DOLPP1: variants seen among roughly 807,000 people sequenced by gnomAD.
The protein encoded by DOLPP1 is dolichyl pyrophosphate phosphatase 1.
A neutral mutation model predicts 34.1 loss-of-function variants in DOLPP1; 15 were observed. The observed-to-expected ratio is 0.44, with a 90% CI of 0.29 to 0.68. The LOEUF (loss-of-function observed/expected upper bound fraction) is 0.68, where lower values mean the gene tolerates loss of function less well. Ranked by LOEUF, DOLPP1 falls within the 30% of genes least tolerant of loss-of-function variation. DOLPP1 has a pLI of 0.12. For synonymous variants in DOLPP1, 130 were observed against 128.2 expected (o/e 1.01, Z -0.10); for missense variants, 249 against 307.1 (o/e 0.81, Z 1.41).
chr9:129,082,933 T>G (rs542420913), intron 1 of DOLPP1, among the ~76,000 whole-genome samples: 12 of 152,334 alleles, frequency 7.9e-5, no homozygotes, highest in African/African-American at 2.4e-4. Flanking sequence ...AGCTCTGCAC[T>G]AGCAGGGACA....
At position 129,084,767 on chromosome 9, in the gene DOLPP1, C is replaced by T. The variant is rs867549099; in HGVS notation, c.176C>T (p.Thr59Met). Residue 59 changes from threonine to methionine, a missense_variant and splice_region_variant, in exon 2 of 8, where the codon ACG becomes ATG. Physicochemically the swap from Thr to Met is moderately conservative, Grantham distance 81 (BLOSUM62 -1). Coordinates refer to ENST00000372546, the MANE Select transcript of DOLPP1 (RefSeq NM_020438.5). ...ATCATATTTAAGCGGGAGCTGCACA[C>T]GGTGAGTCTGTCTTGCCCACACCCT... is the stretch of plus-strand genomic sequence containing the variant. Reference protein sequence around the residue: ...TLIIFKRELHTISFLGGLALN... With the variant: ...TLIIFKRELHMISFLGGLALN... The T allele has an allele frequency of 5.6e-6, 9 of 1,607,912 alleles. No homozygotes were observed. Among genetic ancestry groups the T allele is most frequent in the African/African-American group, 1.3e-5 (1 of 74,906 alleles).
chr9:129,082,677 C>G (rs1362724794), intron 1 of DOLPP1, among the ~76,000 whole-genome samples: 1 of 152,168 alleles, frequency 6.6e-6, no homozygotes. Context: ...CTGGTGAGGT[C>G]TAGTCCCCTA....
At chr9:129,081,554 G>A (rs1326050109) in intron 1 of DOLPP1, among the ~76,000 whole-genome samples, 1 of 152,218 alleles carries the variant, frequency 6.6e-6, no homozygotes, top group Non-Finnish European at 1.5e-5. Context: ...GCCCTCCCCT[G>A]TCCCAGAGAG....
chr9:129,085,797 C>G lies in DOLPP1; in HGVS notation c.461+181C>G, dbSNP rs140252115. Reference sequence around the variant, plus strand: ...TCCAGCTGCCTCTTCTAGCCCAGTCCGCACTGAGCCCAAGATTCTGGGACC... The same window carrying G: ...TCCAGCTGCCTCTTCTAGCCCAGTCGGCACTGAGCCCAAGATTCTGGGACC... On this transcript the variant is annotated intron_variant, in intron 5 of 7. Coordinates refer to ENST00000372546, the MANE Select transcript of DOLPP1 (RefSeq NM_020438.5). The surrounding 1 kb of genome is among the most constrained non-coding windows in gnomAD (Gnocchi z 7.0). 6.6e-6 allele frequency among the ~76,000 whole-genome samples: 1 copy of G among 152,216 alleles called. No homozygotes were observed. The highest frequency in any genetic ancestry group is 1.5e-5 in the Non-Finnish European group (1 of 68,038).
In DOLPP1 at chr9:129,086,080, G is replaced by T; in HGVS notation, c.462-59G>T. ...GGGAAGCTGGCACATGGGCAGTGGG[G>T]ATTGTGCGGGCCTGTGTCTGACTGG... On this transcript the variant is annotated intron_variant, in intron 5 of 7. Transcript: ENST00000372546. 5.1e-6 allele frequency: 8 copies of T among 1,564,692 alleles called. No individual in the cohort carries two copies. The South Asian group carries it at 7.9e-5, about 16-fold the overall frequency.
chr9:129,084,629 T>G (rs1293162864), intron 1 of DOLPP1, 39 bp from the exon 2 acceptor site: 3 of 1,412,502 alleles, frequency 2.1e-6, no homozygotes, highest in Non-Finnish European at 3.0e-6. Flanking sequence ...TTCTGATGCC[T>G]GTGCCCTGTC....
In DOLPP1 at chr9:129,081,236, C is replaced by A. The variant is rs747161698; in HGVS notation, c.76+29C>A. The stretch of plus-strand genomic sequence containing the variant: ...AAAGGCGGTCCCGGCTCCAAGGACG[C>A]CTTCCCAGGGACGGCCTCTCAGTCC... On this transcript the variant is annotated intron_variant, in intron 1 of 7. Coordinates refer to ENST00000372546, the MANE Select transcript of DOLPP1 (RefSeq NM_020438.5). The A allele has an allele frequency of 2.5e-6, 4 of 1,604,868 alleles. No homozygotes were observed. In the South Asian group the frequency reaches 4.4e-5, roughly 18 times the overall value.
intron 1 of DOLPP1, among the ~76,000 whole-genome samples, chr9:129,083,567 A>ATCTGGGC (rs2131414554): frequency 6.6e-6 from 1 of 152,232 alleles, no homozygotes; most frequent in East Asian, 1.9e-4. Context: ...CAGCCCTGGA[A>ATCTGGGC]TCTGGGCTCA....
chr9:129,086,793 A>C lies in DOLPP1; in HGVS notation c.675A>C (p.Glu225Asp). The part of the protein sequence containing the change: ...LWFEYTVTRA[E>D]ARNRQRKLGT... ...TTGAGTACACGGTAACCCGGGCAGA[A>C]GCCAGGTGAGTTCAGGGGACAGCAG... The change falls in exon 7 of 8, where the codon GAA (glutamate) becomes GAC (aspartate). Residue 225 changes from glutamate to aspartate, a missense_variant. Transcript: ENST00000372546. 6.2e-7 allele frequency: 1 copy of C among 1,613,446 alleles called. No individual in the cohort carries two copies. The highest frequency in any genetic ancestry group is 8.5e-7 in the Non-Finnish European group (1 of 1,179,942).
At chr9:129,086,103 T>A (rs7859344) in intron 5 of DOLPP1, 36 bp from the exon 6 acceptor site, 1,101,547 of 1,602,556 alleles carry the variant, frequency 0.69, 385,720 homozygotes, top group Non-Finnish European at 0.71. Context: ...TGTGTCTGAC[T>A]GGCTCTCACA....
At chr9:129,082,264 C>T (rs1011432162) in intron 1 of DOLPP1, among the ~76,000 whole-genome samples, 4 of 152,162 alleles carry the variant, frequency 2.6e-5, no homozygotes, top group Admixed American at 6.5e-5. Flanking sequence ...AGAACGTTGA[C>T]GCTGGTGTTC....
intron 1 of DOLPP1, among the ~76,000 whole-genome samples, chr9:129,082,952 T>C (rs1367339748): frequency 6.6e-6 from 1 of 151,556 alleles, no homozygotes; most frequent in African/African-American, 2.4e-5. Context: ...CATATGTGTC[T>C]TTTTTTTTGC....
chr9:129,082,445 C>T (rs1219819003), intron 1 of DOLPP1, among the ~76,000 whole-genome samples: 2 of 152,188 alleles, frequency 1.3e-5, no homozygotes, highest in African/African-American at 2.4e-5. Context: ...CTGAAATATC[C>T]CTGCATTCCT....
intron 1 of DOLPP1, among the ~76,000 whole-genome samples, chr9:129,082,018 A>C (rs977421451): frequency 6.6e-6 from 1 of 152,220 alleles, no homozygotes; most frequent in African/African-American, 2.4e-5. Context: ...AGCATCAAAT[A>C]GCAGGAGGCA....
intron 1 of DOLPP1, among the ~76,000 whole-genome samples, chr9:129,082,005 A>G (rs1416738151): frequency 2.0e-5 from 3 of 152,230 alleles, no homozygotes; most frequent in Non-Finnish European, 4.4e-5. Flanking sequence ...TGGTGATGGT[A>G]TGAGCATCAA....
At chr9:129,081,701 C>T (rs1846892792) in intron 1 of DOLPP1, among the ~76,000 whole-genome samples, 1 of 152,218 alleles carries the variant, frequency 6.6e-6, no homozygotes, top group South Asian at 2.1e-4. Flanking sequence ...TGTGGTGCCA[C>T]GCCCTGAGCA....
Position 129,085,617 on chromosome 9 carries a change from G to A in DOLPP1, c.461+1G>A. 6.2e-7 allele frequency: 1 copy of A among 1,609,644 alleles called. No individual in the cohort carries two copies. Reference sequence around the variant, plus strand: ...TGGCCTTCCTAGTCTCCTACAGCAGGTATGGAGGAGGGAGAGCCCCTGCCT... The same window carrying A: ...TGGCCTTCCTAGTCTCCTACAGCAGATATGGAGGAGGGAGAGCCCCTGCCT... On this transcript the variant is annotated splice_donor_variant, in intron 5 of 7. Coordinates refer to ENST00000372546, the MANE Select transcript of DOLPP1 (RefSeq NM_020438.5). LOFTEE classifies it high-confidence loss of function. This position sits in a 1 kb window ranked among gnomAD's most constrained non-coding sequence, Gnocchi z 7.0.
rs750798878 is a variant in DOLPP1, at chr9:129,089,853, C to T, written c.*846C>T. The stretch of plus-strand genomic sequence containing the variant: ...CCACGTGAACAAAATGGGAAGGAGC[C>T]GTGAGGAGAGGAGTGAGGCAACAGG... On this transcript the variant is annotated 3_prime_UTR_variant, in exon 8 of 8. Coordinates refer to ENST00000372546, the MANE Select transcript of DOLPP1 (RefSeq NM_020438.5). This position sits in a 1 kb window ranked among gnomAD's most constrained non-coding sequence, Gnocchi z 4.9. 6.6e-6 allele frequency: 1 copy of T among 152,552 alleles called. No individual in the cohort carries two copies. Among genetic ancestry groups the T allele is most frequent in the African/African-American group, 2.4e-5 (1 of 41,452 alleles). 9.4% of individuals were successfully genotyped at this position (152,552 alleles called of 1,614,324 possible).
rs143852519 is a variant in DOLPP1 at position 129,086,004 on chromosome 9, C to T, written c.462-135C>T. 1.1e-3 allele frequency: 920 copies of T among 829,976 alleles called. 10 individuals are homozygous for T. In the East Asian group the frequency reaches 0.016, roughly 14 times the overall value. The allele number at this position is 829,976 out of a possible 1,614,324, so 51.4% of individuals were successfully genotyped here. Reference sequence around the variant, plus strand: ...TGGAAATGGATCTGAGGCTGTGCCCCGTGGAGTCAGTGTCCTGTCTGTGTC... The same window carrying T: ...TGGAAATGGATCTGAGGCTGTGCCCTGTGGAGTCAGTGTCCTGTCTGTGTC... On this transcript the variant is annotated intron_variant, in intron 5 of 7. Transcript: ENST00000372546.
Sources: gnomAD v4.1 joint callset for allele counts (sites outside exome capture counted in the v4.1 genomes callset) on GRCh38, gnomAD v4.1.1 for gene constraint, Gnocchi (gnomAD v3.1) non-coding constraint, MANE v1.5 for transcripts, NCBI Gene and HGNC (gene_info 2026-07-23, HGNC 2026-07-21) for gene names.